The following ZNF266 variants were observed in gnomAD, a reference collection of about 807,000 sequenced individuals.
The protein encoded by ZNF266 is zinc finger protein 266, also known as zinc finger protein 1.
In ZNF266, 16 loss-of-function variants were observed where a neutral mutation model predicts 16.4. The observed-to-expected ratio is 0.98, with a 90% CI of 0.66 to 1.48. The LOEUF is 1.48. Ranked by LOEUF, ZNF266 falls within the 40% of genes most tolerant of loss-of-function variation. ZNF266 has a pLI of 0.00. For missense variants in ZNF266, 738 were observed against 689.1 expected (o/e 1.07, Z -0.79); for synonymous variants, 262 against 237.9 (o/e 1.10, Z -0.93).
chr19:9,425,521 T>G (rs2070612866), intron 5 of ZNF266, among the ~76,000 whole-genome samples: 1 of 152,238 alleles, frequency 6.6e-6, no homozygotes, highest in East Asian at 1.9e-4. Flanking sequence ...TTCAGTGTGG[T>G]GAACAGGGTG....
chr19:9,427,565 G>C (rs945157617), intron 5 of ZNF266, among the ~76,000 whole-genome samples: 3 of 152,042 alleles, frequency 2.0e-5, no homozygotes, highest in African/African-American at 7.2e-5. Context: ...GACCTCAAGT[G>C]ATCTGCCCAC....
chr19:9,416,467 G>A lies in ZNF266; in HGVS notation c.317-725C>T, dbSNP rs571223349. Among the ~76,000 whole-genome samples the A allele has an allele frequency of 2.8e-4, 42 of 150,408 alleles. 1 individual carries two copies. In the South Asian group the frequency reaches 8.0e-3, roughly 29 times the overall value. ...CAACTTCCGCCTCCCAAGTTCAAGC[G>A]ATTCTCCTGCCTCAGCCTCCCGAGT... On this transcript the variant is annotated intron_variant, in intron 9 of 10. Transcript: ENST00000592904.
intron 9 of ZNF266, among the ~76,000 whole-genome samples, chr19:9,417,595 C>T (rs1398226213): frequency 1.3e-5 from 2 of 151,982 alleles, no homozygotes; most frequent in Admixed American, 6.6e-5. Context: ...GGCATGGTGG[C>T]GTGAGCCTGT....
chr19:9,417,002 G>A (rs767297241), intron 9 of ZNF266, among the ~76,000 whole-genome samples: 1 of 152,000 alleles, frequency 6.6e-6, no homozygotes, highest in Non-Finnish European at 1.5e-5. Context: ...AGAAACCAAC[G>A]GGTCCTATCA....
intron 5 of ZNF266, among the ~76,000 whole-genome samples, chr19:9,423,353 G>A (rs981577021): frequency 9.3e-5 from 14 of 151,318 alleles, no homozygotes; most frequent in African/African-American, 2.4e-4. Flanking sequence ...TCTGCCTTTC[G>A]ACTAGTTAGG....
At chr19:9,426,185 C>T (rs545388854) in intron 5 of ZNF266, among the ~76,000 whole-genome samples, 3 of 152,162 alleles carry the variant, frequency 2.0e-5, no homozygotes, top group South Asian at 2.1e-4. Context: ...GAGAGAAAGG[C>T]GGCTGCCTAC....
intron 5 of ZNF266, among the ~76,000 whole-genome samples, chr19:9,422,554 T>C (rs532122260): frequency 6.6e-6 from 1 of 152,332 alleles, no homozygotes; most frequent in Admixed American, 6.5e-5. Context: ...GGCCACTTAA[T>C]GTGGATATTT....
chr19:9,417,701 CTG>C (rs1213685390), intron 9 of ZNF266, 125 bp downstream of exon 9: 2 of 691,430 alleles, frequency 2.9e-6, no homozygotes, highest in Non-Finnish European at 4.8e-6. Context: ...TGAGCTGAGA[CTG>C]TGCCACGGCA....
chr19:9,413,700 C>T lies in ZNF266; in HGVS notation c.1426G>A (p.Glu476Lys). ...AAGGCTTTCCCACATTTGACACATTCAAAAGGCTTCTCTCCAGTGTGAGTT... is the reference window on the plus strand; with the variant it reads ...AAGGCTTTCCCACATTTGACACATTTAAAAGGCTTCTCTCCAGTGTGAGTT... ...TRTHTGEKPF[E>K]CVKCGKAFAI... Residue 476 changes from glutamate (E) to lysine (K), a missense_variant, in exon 11 of 11, where the codon GAA becomes AAA. Transcript: ENST00000592904. 6.2e-7 allele frequency: 1 copy of T among 1,614,146 alleles called. No individual in the cohort carries two copies. Among genetic ancestry groups the T allele is most frequent in the South Asian group, 1.1e-5 (1 of 91,084 alleles).
chr19:9,426,670 A>C (rs1472123993), intron 5 of ZNF266, among the ~76,000 whole-genome samples: 2 of 152,298 alleles, frequency 1.3e-5, no homozygotes, highest in East Asian at 3.9e-4. Flanking sequence ...AAAAAAATAA[A>C]AGGTAACTAG....
At chr19:9,431,484 G>A (rs983290629) in intron 5 of ZNF266, among the ~76,000 whole-genome samples, 9 of 152,198 alleles carry the variant, frequency 5.9e-5, no homozygotes, top group Admixed American at 3.3e-4. Context: ...GCCTCCGAAC[G>A]TGAACACTGA....
At chr19:9,416,950 C>T (rs572800116) in intron 9 of ZNF266, among the ~76,000 whole-genome samples, 7 of 151,988 alleles carry the variant, frequency 4.6e-5, no homozygotes, top group East Asian at 3.9e-4. Context: ...AGATTATAGG[C>T]GTGAGCCACC....
chr19:9,413,082 TA>T lies in ZNF266; in HGVS notation c.*192del. ...CCAGTGAGATTTCTGATGTGTTTGGTAAGGCTTGAGAATTCAGCAAAGTCAT... is the reference window on the plus strand; with the variant it reads ...CCAGTGAGATTTCTGATGTGTTTGGTAGGCTTGAGAATTCAGCAAAGTCAT... On this transcript the variant is annotated 3_prime_UTR_variant, in exon 11 of 11. Transcript: ENST00000592904. 1 of 629,870 alleles carries T rather than the reference TA, an allele frequency of 1.6e-6. No individual in the cohort carries two copies. Among genetic ancestry groups the T allele is most frequent in the Non-Finnish European group, 2.6e-6 (1 of 383,178 alleles). 39.0% of individuals were successfully genotyped at this position (629,870 alleles called of 1,614,324 possible).
rs2072342441 is a variant in ZNF266 at position 9,435,566 on chromosome 19, AAC to A, written c.-842_-841del. ...TGGCGGCGCGGAGAAAGCGCCGGAA[AAC>A]ACAGCAGCGCTCCGTGACGTCACTT... On this transcript the variant is annotated 5_prime_UTR_variant, in exon 1 of 11. Transcript: ENST00000592904. 6.6e-6 allele frequency: 1 copy of A among 152,274 alleles called. No individual in the cohort carries two copies. The highest frequency in any genetic ancestry group is 2.4e-5 in the African/African-American group (1 of 41,460). The allele number at this position is 152,274 out of a possible 1,614,324, so 9.4% of individuals were successfully genotyped here.
rs763147515 is a variant in ZNF266 at position 9,413,698 on chromosome 19, T to C, written c.1428A>G (p.Glu476=). 1.9e-6 allele frequency: 3 copies of C among 1,614,102 alleles called. No homozygotes were observed. The highest frequency in any genetic ancestry group is 2.5e-6 in the Non-Finnish European group (3 of 1,180,006). The stretch of plus-strand genomic sequence containing the variant: ...CAAAGGCTTTCCCACATTTGACACA[T>C]TCAAAAGGCTTCTCTCCAGTGTGAG... ...TRTHTGEKPF[E]CVKCGKAFAI... Residue 476 remains glutamate, a synonymous_variant, in exon 11 of 11, where the codon GAA becomes GAG. Coordinates refer to ENST00000592904, the MANE Select transcript of ZNF266 (RefSeq NM_001370374.1).
Position 9,413,865 on chromosome 19 carries a change from A to G in ZNF266, c.1261T>C (p.Cys421Arg), listed in dbSNP as rs778969398. 3.7e-6 allele frequency: 6 copies of G among 1,614,204 alleles called. No individual in the cohort carries two copies. The South Asian group carries it at 4.4e-5, about 12-fold the overall frequency. The change falls in exon 11 of 11, where the codon TGT becomes CGT. Residue 421 changes from cysteine (C) to arginine (R), a missense_variant. Transcript: ENST00000592904. ...RIHTGIKPYK[C>R]KDCGKAFTQN... ...GTGAAGGCTTTCCCACAATCCTTACATTTATAGGGTTTTATTCCAGTGTGA... is the reference window on the plus strand; with the variant it reads ...GTGAAGGCTTTCCCACAATCCTTACGTTTATAGGGTTTTATTCCAGTGTGA...
At position 9,413,446 on chromosome 19, in the gene ZNF266, T is replaced by C; in HGVS notation, c.1680A>G (p.Lys560=). 6.2e-7 allele frequency: 1 copy of C among 1,614,112 alleles called. No homozygotes were observed. Among genetic ancestry groups the C allele is most frequent in the Non-Finnish European group, 8.5e-7 (1 of 1,180,016 alleles). ...TGAAGGATTTCCCACACTGTTTACA[T>C]TTGTAGGGTTTTTCTCCAGTGTGGA... The part of the protein sequence containing the change: ...MRIHTGEKPY[K]CKQCGKSFSY... The change falls in exon 11 of 11, where the codon AAA becomes AAG. Residue 560 remains lysine, a synonymous_variant. Transcript: ENST00000592904.
At chr19:9,422,007 C>T (rs2069989304) in intron 5 of ZNF266, among the ~76,000 whole-genome samples, 1 of 152,170 alleles carries the variant, frequency 6.6e-6, no homozygotes, top group Non-Finnish European at 1.5e-5. Flanking sequence ...CCCGCCACCA[C>T]ACCCGGCTAA....
chr19:9,423,888 T>C (rs570678748), intron 5 of ZNF266, among the ~76,000 whole-genome samples: 1 of 152,162 alleles, frequency 6.6e-6, no homozygotes, highest in East Asian at 1.9e-4. Context: ...TCCTAGCTAC[T>C]TGGAAAGCTG....
Sources: gnomAD v4.1 joint callset for allele counts (sites outside exome capture counted in the v4.1 genomes callset) on GRCh38, gnomAD v4.1.1 for gene constraint, MANE v1.5 for transcripts, NCBI Gene and HGNC (gene_info 2026-07-23, HGNC 2026-07-21) for gene names.